The following GABRA5 variants were observed in gnomAD, a reference collection of about 807,000 sequenced individuals.
The protein encoded by GABRA5 is gamma-aminobutyric acid type A receptor subunit alpha5.
A neutral mutation model predicts 47.3 loss-of-function variants in GABRA5; 18 were observed. The ratio of observed to expected loss-of-function variants is 0.38; its 90% CI spans 0.26 to 0.56. GABRA5 has a LOEUF of 0.56. Among genes scored for constraint, GABRA5 ranks in the 20% least tolerant of loss-of-function variants. GABRA5 has a pLI of 0.71. For synonymous variants in GABRA5, 237 were observed against 229.3 expected (o/e 1.03, Z -0.30); for missense variants, 365 against 599.3 (o/e 0.61, Z 4.08).
intron 6 of GABRA5, among the ~76,000 whole-genome samples, chr15:26,912,973 G>A (rs761028057): frequency 6.6e-5 from 10 of 152,056 alleles, no homozygotes; most frequent in South Asian, 4.1e-4. Context: ...ACCTGAGGTC[G>A]GGAGTTTGAG....
At chr15:26,930,895 C>CTTTT (rs555799476) in intron 7 of GABRA5, among the ~76,000 whole-genome samples, 43 of 115,018 alleles carry the variant, frequency 3.7e-4, no homozygotes, top group African/African-American at 6.5e-4. Context: ...TCTTTCTTTT[C>CTTTT]TTTTTTTTTT....
intron 9 of GABRA5, among the ~76,000 whole-genome samples, chr15:26,940,629 T>C (rs974643184): frequency 2.6e-5 from 4 of 152,216 alleles, no homozygotes; most frequent in Non-Finnish European, 4.4e-5. Flanking sequence ...TCTCACCAAG[T>C]ATGACTTTGT....
At chr15:26,905,307 G>A (rs1893419603) in intron 6 of GABRA5, among the ~76,000 whole-genome samples, 1 of 151,108 alleles carries the variant, frequency 6.6e-6, no homozygotes, top group Non-Finnish European at 1.5e-5. Flanking sequence ...AGCACATTTA[G>A]TATTTCCTCC....
chr15:26,943,736 T>C (rs1416132200), intron 10 of GABRA5, among the ~76,000 whole-genome samples: 2 of 152,204 alleles, frequency 1.3e-5, no homozygotes, highest in Non-Finnish European at 2.9e-5. Context: ...ACGCTCATTT[T>C]ATCTCATTTC....
At chr15:26,892,411 C>T (rs531189779) in intron 6 of GABRA5, among the ~76,000 whole-genome samples, 1 of 151,526 alleles carries the variant, frequency 6.6e-6, no homozygotes, top group Non-Finnish European at 1.5e-5. Flanking sequence ...CCTACCCAGC[C>T]CGCGCCCCGG....
Position 26,931,462 on chromosome 15 carries a change from T to C in GABRA5, c.581-5723T>C, listed in dbSNP as rs146669828. On this transcript the variant is annotated intron_variant, in intron 7 of 10. Transcript: ENST00000335625. The stretch of plus-strand genomic sequence containing the variant: ...CCTCCCCCATCATGACCTAATCACC[T>C]CCCGAAGGCTCTTACAACCAATCCC... Among the ~76,000 whole-genome samples, 450 of 152,208 alleles carry C rather than the reference T, an allele frequency of 3.0e-3. 2 individuals carry two copies. Among genetic ancestry groups the C allele is most frequent in the African/African-American group, 0.01 (430 of 41,546 alleles).
chr15:26,873,047 A>C (rs1409598095), intron 3 of GABRA5, among the ~76,000 whole-genome samples: 1 of 152,206 alleles, frequency 6.6e-6, no homozygotes, highest in African/African-American at 2.4e-5. Flanking sequence ...AGTCAAGTAT[A>C]CAATACAATA....
At chr15:26,872,344 A>C (rs954795824) in intron 3 of GABRA5, among the ~76,000 whole-genome samples, 54 of 152,202 alleles carry the variant, frequency 3.5e-4, no homozygotes, top group African/African-American at 1.3e-3. Context: ...GGAAGGAGGG[A>C]GGATGAATGC....
At chr15:26,899,380 C>T (rs1893272290) in intron 6 of GABRA5, among the ~76,000 whole-genome samples, 1 of 152,146 alleles carries the variant, frequency 6.6e-6, no homozygotes, top group Non-Finnish European at 1.5e-5. Context: ...CCTGGGCATG[C>T]TCCCTGTGCG....
chr15:26,881,062 A>G lies in GABRA5; in HGVS notation c.208+95A>G, dbSNP rs149821151. ...GTTTGCGCTGATTCAAACAATTCCTAAAAGAGCTTCCCTGCCAGGATTTTG... is the reference window on the plus strand; with the variant it reads ...GTTTGCGCTGATTCAAACAATTCCTGAAAGAGCTTCCCTGCCAGGATTTTG... On this transcript the variant is annotated intron_variant, in intron 4 of 10. Coordinates refer to ENST00000335625, the MANE Select transcript of GABRA5 (RefSeq NM_000810.4). 335 of 1,375,598 alleles carry G rather than the reference A, an allele frequency of 2.4e-4. 3 individuals are homozygous for G. The African/African-American group carries it at 4.1e-3, about 17-fold the overall frequency. 85.2% of individuals were successfully genotyped at this position (1,375,598 alleles called of 1,614,324 possible).
intron 3 of GABRA5, among the ~76,000 whole-genome samples, chr15:26,873,802 G>A (rs1892527639): frequency 1.3e-5 from 2 of 152,214 alleles, no homozygotes; most frequent in Non-Finnish European, 2.9e-5. Flanking sequence ...GCCCACTGAA[G>A]CAGGGAGCAG....
Position 26,883,626 on chromosome 15 carries a change from G to C in GABRA5, c.497+69G>C, listed in dbSNP as rs902073158. 15 of 1,231,410 alleles carry C rather than the reference G, an allele frequency of 1.2e-5. No homozygotes were observed. The highest frequency in any genetic ancestry group is 2.7e-4 in the Middle Eastern group (1 of 3,748). The allele number at this position is 1,231,410 out of a possible 1,614,324, so 76.3% of individuals were successfully genotyped here. ...GGCAGGCGCGGCTGCCCATCCTGCCGCAAGAGCTGCGCCGCGGAGCTGTTC... is the reference window on the plus strand; with the variant it reads ...GGCAGGCGCGGCTGCCCATCCTGCCCCAAGAGCTGCGCCGCGGAGCTGTTC... On this transcript the variant is annotated intron_variant, in intron 6 of 10. Transcript: ENST00000335625. This position sits in a 1 kb window ranked among gnomAD's most constrained non-coding sequence, Gnocchi z 4.8.
intron 3 of GABRA5, among the ~76,000 whole-genome samples, chr15:26,874,054 G>A (rs1314257814): frequency 6.6e-6 from 1 of 152,216 alleles, no homozygotes; most frequent in African/African-American, 2.4e-5. Flanking sequence ...CGCCAAGACT[G>A]TCTGGCAGTC....
chr15:26,911,060 A>C (rs552244873), intron 6 of GABRA5, among the ~76,000 whole-genome samples: 1 of 152,148 alleles, frequency 6.6e-6, no homozygotes, highest in African/African-American at 2.4e-5. Flanking sequence ...ATTTAAATTT[A>C]TTTCCTGACT....
At chr15:26,881,077 C>T in intron 4 of GABRA5, 110 bp downstream of exon 4, 1 of 1,275,812 alleles carries the variant, frequency 7.8e-7, no homozygotes, top group Non-Finnish European at 1.1e-6. Flanking sequence ...AGCTTCCCTG[C>T]CAGGATTTTG....
intron 1 of GABRA5, 152 bp from the exon 2 acceptor site, chr15:26,868,577 C>T (rs1892384222): frequency 6.6e-6 from 1 of 152,294 alleles, no homozygotes; most frequent in Non-Finnish European, 1.5e-5. Context: ...GAGACTTCCA[C>T]AGATGCAGTG....
intron 3 of GABRA5, chr15:26,880,480 G>A (rs891159550): frequency 3.0e-5 from 5 of 164,442 alleles, no homozygotes; most frequent in African/African-American, 7.2e-5. Flanking sequence ...GTTTTTGTGT[G>A]TTTAAACCAA....
rs201064272 is a variant in GABRA5 at position 26,943,336 on chromosome 15, G to A, written c.999G>A (p.Ser333=). 15 of 1,594,914 alleles carry A rather than the reference G, an allele frequency of 9.4e-6. No homozygotes were observed. The East Asian group carries it at 1.1e-4, about 12-fold the overall frequency. ...CCGTGTGCTATGCCTTCGTCTTCTC[G>A]GCGCTGATAGAGTTTGCCACGGTCA... The part of the protein sequence containing the change: ...FIAVCYAFVF[S]ALIEFATVNY... Residue 333 remains serine (S), a synonymous_variant, in exon 10 of 11, where the codon TCG becomes TCA. Coordinates refer to ENST00000335625, the MANE Select transcript of GABRA5 (RefSeq NM_000810.4).
intron 10 of GABRA5, among the ~76,000 whole-genome samples, chr15:26,946,191 GTTGAC>G (rs1894507550): frequency 6.6e-6 from 1 of 152,144 alleles, no homozygotes; most frequent in African/African-American, 2.4e-5. Flanking sequence ...ATTCTTAATG[GTTGAC>G]TTATTTTCTT....
Sources: gnomAD v4.1 joint callset for allele counts (sites outside exome capture counted in the v4.1 genomes callset) on GRCh38, gnomAD v4.1.1 for gene constraint, Gnocchi (gnomAD v3.1) non-coding constraint, MANE v1.5 for transcripts, NCBI Gene and HGNC (gene_info 2026-07-23, HGNC 2026-07-21) for gene names.